CFI: variants seen among roughly 807,000 people sequenced by gnomAD.
CFI encodes the protein C3B/C4B inactivator.
A neutral mutation model predicts 78.8 loss-of-function variants in CFI; 66 were observed. The ratio of observed to expected loss-of-function variants is 0.84; its 90% confidence interval spans 0.69 to 1.03. The LOEUF is 1.03. Among genes scored for constraint, CFI ranks in the 50% least tolerant of loss-of-function variants. The pLI, the probability that CFI is intolerant of heterozygous loss-of-function variation, is 0.00. For missense variants in CFI, 706 were observed against 704.5 expected (o/e 1.00, Z -0.02); for synonymous variants, 250 against 232.6 (o/e 1.07, Z -0.68).
At chr4:109,738,260 G>A (rs1723485111), downstream of CFI, among the ~76,000 whole-genome samples, 1 of 151,872 alleles carries the variant, frequency 6.6e-6, no homozygotes, top group Non-Finnish European at 1.5e-5. Context: ...GGCTGCAGAT[G>A]TGCACCACCA....
At chr4:109,740,089 T>G (rs1053294996), downstream of CFI, among the ~76,000 whole-genome samples, 1 of 151,854 alleles carries the variant, frequency 6.6e-6, no homozygotes, top group African/African-American at 2.4e-5. Flanking sequence ...AGCCTAGGAG[T>G]TCAAGACCAG....
chr4:109,772,353 G>A (rs1324938410), intron 1 of CFI, among the ~76,000 whole-genome samples: 1 of 152,200 alleles, frequency 6.6e-6, no homozygotes, highest in African/African-American at 2.4e-5. Context: ...TGTACACCAG[G>A]CTTTGCCTGA....
intron 1 of CFI, among the ~76,000 whole-genome samples, chr4:109,794,872 T>C (rs1325353353): frequency 1.3e-5 from 2 of 152,148 alleles, no homozygotes; most frequent in African/African-American, 4.8e-5. Flanking sequence ...TCTGAGCACA[T>C]TTAAGACAGT....
rs1561293732 is a variant in CFI, at chr4:109,753,502, TATTTATTATATAAATAA to T, written c.905-1016_905-1000del. On this transcript the variant is annotated intron_variant, in intron 7 of 12. Transcript: ENST00000394634. ...ATATTTATAATAAATATTTATAATA[TATTTATTATATAAATAA>T]ATATTTATAATAAATATTTATAATA... Among the ~76,000 whole-genome samples the T allele has an allele frequency of 2.3e-4, 7 of 30,494 alleles. No individual in the cohort carries two copies. In the East Asian group the frequency reaches 5.6e-3, roughly 25 times the overall value. The allele number at this position is 30,494 out of a possible 152,430, so 20.0% of individuals were successfully genotyped here.
At chr4:109,793,775 T>G (rs1469652310) in intron 1 of CFI, 1 of 152,324 alleles carries the variant, frequency 6.6e-6, no homozygotes, top group Non-Finnish European at 1.5e-5. Flanking sequence ...TCCTCCTGCC[T>G]CATTCCCCTA....
Position 109,760,566 on chromosome 4 carries a change from A to G in CFI, c.729T>C (p.Gly243=), listed in dbSNP as rs749140698. 4.3e-6 allele frequency: 7 copies of G among 1,610,846 alleles called. No individual in the cohort carries two copies. The highest frequency in any genetic ancestry group is 5.9e-6 in the Non-Finnish European group (7 of 1,177,154). The change falls in exon 5 of 13, where the codon GGT becomes GGC. Residue 243 remains glycine, a synonymous_variant. Transcript: ENST00000394634. ...CACTTTGGTCTCCACAATCATTGAT[A>G]CCATCACAGGCTTTCATCTGAGAAA... ...KYISQMKACD[G]INDCGDQSDE...
At chr4:109,789,399 C>T (rs2125860696) in intron 1 of CFI, among the ~76,000 whole-genome samples, 1 of 151,742 alleles carries the variant, frequency 6.6e-6, no homozygotes, top group South Asian at 2.1e-4. Flanking sequence ...TACTTGGAAA[C>T]CAATAACTAA....
intron 1 of CFI, among the ~76,000 whole-genome samples, chr4:109,785,767 G>A (rs1468345502): frequency 6.6e-6 from 1 of 152,022 alleles, no homozygotes; most frequent in Non-Finnish European, 1.5e-5. Context: ...TTTCACCTAT[G>A]CTGTTCTTGT....
intron 12 of CFI, chr4:109,742,243 A>C: frequency 2.1e-6 from 1 of 468,328 alleles, no homozygotes; most frequent in Non-Finnish European, 3.9e-6. Flanking sequence ...GTCTGGTTCC[A>C]GAGGCCGTGC....
chr4:109,798,293 G>C (rs1019865074), intron 1 of CFI, among the ~76,000 whole-genome samples: 1 of 152,128 alleles, frequency 6.6e-6, no homozygotes, highest in Admixed American at 6.5e-5. Context: ...TTAAAAATTT[G>C]CTAAGAGCAC....
In CFI at chr4:109,773,948, T is replaced by A. The variant is rs182783380; in HGVS notation, c.58-7124A>T. 1.1e-3 allele frequency among the ~76,000 whole-genome samples: 160 copies of A among 152,350 alleles called. 1 individual carries two copies. Among genetic ancestry groups the A allele is most frequent in the African/African-American group, 3.8e-3 (157 of 41,580 alleles). ...ATGTGTCCCCAAAACTGAAAACCACTATTGTAGCCCAGTAATTTCCAAAGT... is the reference window on the plus strand; with the variant it reads ...ATGTGTCCCCAAAACTGAAAACCACAATTGTAGCCCAGTAATTTCCAAAGT... On this transcript the variant is annotated intron_variant, in intron 1 of 12. Transcript: ENST00000394634.
Position 109,764,691 on chromosome 4 carries a change from C to T in CFI, c.329-1G>A. ...TGCTTCAAGGAAACACTAAACTTTC[C>T]TAAAATAAAAAAACAAAATAATGTG... On this transcript the variant is annotated splice_acceptor_variant, in intron 2 of 12. Coordinates refer to ENST00000394634, the MANE Select transcript of CFI (RefSeq NM_000204.5). LOFTEE classifies it high-confidence loss of function. 3 of 1,612,736 alleles carry T rather than the reference C, an allele frequency of 1.9e-6. No homozygotes were observed. The highest frequency in any genetic ancestry group is 2.5e-6 in the Non-Finnish European group (3 of 1,179,654).
In CFI at chr4:109,740,909, G is replaced by A; in HGVS notation, c.1736C>T (p.Ser579Phe). The A allele has an allele frequency of 6.2e-7, 1 of 1,613,914 alleles. No individual in the cohort carries two copies. The highest frequency in any genetic ancestry group is 8.5e-7 in the Non-Finnish European group (1 of 1,179,816). Reference sequence around the variant, plus strand: ...ATCACAATTTTATACATTGTACTGAGAAATAAAAGGCCTTCCTACATGGTA... The same window carrying A: ...ATCACAATTTTATACATTGTACTGAAAAATAAAAGGCCTTCCTACATGGTA... ...ISYHVGRPFISQYNV is the reference protein window; with the variant it reads ...ISYHVGRPFIFQYNV The change falls in exon 13 of 13, where the codon TCT becomes TTT. Residue 579 changes from serine to phenylalanine, a missense_variant. Coordinates refer to ENST00000394634, the MANE Select transcript of CFI (RefSeq NM_000204.5).
At chr4:109,732,595 C>G in the CFI span, among the ~76,000 whole-genome samples, 14 of 152,236 alleles carry the variant, frequency 9.2e-5, no homozygotes, top group African/African-American at 3.1e-4. Context: ...CGGTGGCTCA[C>G]GCCTGTAATC....
intron 11 of CFI, among the ~76,000 whole-genome samples, chr4:109,745,307 C>G (rs142014906): frequency 5.3e-5 from 8 of 152,096 alleles, no homozygotes; most frequent in East Asian, 1.9e-4. Flanking sequence ...TTCAGCCCCC[C>G]TCAACCTCCA....
At chr4:109,755,849 A>G (rs923144075) in intron 7 of CFI, among the ~76,000 whole-genome samples, 4 of 152,232 alleles carry the variant, frequency 2.6e-5, no homozygotes, top group African/African-American at 7.2e-5. Flanking sequence ...GATATTCATC[A>G]CAGTATGATT....
intron 10 of CFI, among the ~76,000 whole-genome samples, chr4:109,748,035 G>A (rs751689329): frequency 6.6e-6 from 1 of 152,158 alleles, no homozygotes; most frequent in Non-Finnish European, 1.5e-5. Flanking sequence ...CAGCTCAGGG[G>A]TAGAGTATCC....
chr4:109,739,669 T>A (rs943192368), downstream of CFI, among the ~76,000 whole-genome samples: 11 of 152,146 alleles, frequency 7.2e-5, no homozygotes, highest in Non-Finnish European at 1.5e-4. Flanking sequence ...TATACTAATC[T>A]GAGGTTCTAG....
At chr4:109,789,863 T>A (rs764507871) in intron 1 of CFI, among the ~76,000 whole-genome samples, 6 of 152,104 alleles carry the variant, frequency 3.9e-5, no homozygotes, top group Non-Finnish European at 8.8e-5. Context: ...CCTCTTTACC[T>A]TTTGAAAGTG....
Sources: allele counts gnomAD v4.1 joint callset (sites outside exome capture counted in the v4.1 genomes callset), GRCh38; gene constraint gnomAD v4.1.1; transcripts MANE v1.5; gene names NCBI Gene and HGNC (gene_info 2026-07-23, HGNC 2026-07-21).